Variants in PALLD observed in about 807,000 individuals in gnomAD.
PALLD encodes palladin, cytoskeletal associated protein.
In PALLD, 61 loss-of-function variants were observed where a neutral mutation model predicts 123.5. That is an observed-to-expected ratio of 0.49 (90% CI 0.40 to 0.61). PALLD has a LOEUF of 0.61. PALLD is among the 20% of genes least tolerant of loss of function. The pLI is 0.00. For synonymous variants in PALLD, 465 were observed against 496.4 expected (o/e 0.94, Z 0.84); for missense variants, 1,273 against 1,377.0 (o/e 0.92, Z 1.20).
chr4:168,766,408 A>G (rs1733666915), intron 10 of PALLD, among the ~76,000 whole-genome samples: 1 of 152,106 alleles, frequency 6.6e-6, no homozygotes, highest in Non-Finnish European at 1.5e-5. Flanking sequence ...AAGAACCCAC[A>G]TTTTCAGGTC....
intron 2 of PALLD, among the ~76,000 whole-genome samples, chr4:168,658,276 TTTTA>T (rs1304153224): frequency 2.7e-5 from 4 of 145,474 alleles, no homozygotes; most frequent in East Asian, 2.0e-4. Flanking sequence ...GGTGGTGGGT[TTTTA>T]TTTGGTTTTT....
At chr4:168,753,738 C>A (rs546583344) in intron 10 of PALLD, among the ~76,000 whole-genome samples, 184 of 152,302 alleles carry the variant, frequency 1.2e-3, no homozygotes, top group African/African-American at 4.3e-3. Flanking sequence ...TGACGACCAG[C>A]ACCAACTTGC....
intron 10 of PALLD, among the ~76,000 whole-genome samples, chr4:168,738,598 GT>G (rs56034219): frequency 2.2e-5 from 2 of 89,474 alleles, no homozygotes; most frequent in Non-Finnish European, 4.8e-5. Context: ...GCCCGGCTAA[GT>G]TTTGTATTTT....
rs557329308 is a variant in PALLD, at chr4:168,919,532, A to G, written c.2851-2002A>G. On this transcript the variant is annotated intron_variant, in intron 17 of 21. Transcript: ENST00000505667. The stretch of plus-strand genomic sequence containing the variant: ...GGAGCAAGACTGTCTTAAAAAAAAA[A>G]AAAAAGTGAAAAACCTTGCCACATG... 9.2e-5 allele frequency among the ~76,000 whole-genome samples: 14 copies of G among 152,136 alleles called. No individual in the cohort carries two copies. The East Asian group carries it at 2.5e-3, about 27-fold the overall frequency.
At chr4:168,549,790 G>A (rs1273854632) in intron 2 of PALLD, among the ~76,000 whole-genome samples, 1 of 150,516 alleles carries the variant, frequency 6.6e-6, no homozygotes, top group Non-Finnish European at 1.5e-5. Flanking sequence ...AAAAAAAAAT[G>A]AGAGTTAGAA....
Position 168,925,054 on chromosome 4 carries a change from T to C in PALLD, c.3334T>C (p.Cys1112Arg), listed in dbSNP as rs1426943138. 6.2e-7 allele frequency: 1 copy of C among 1,614,118 alleles called. No homozygotes were observed. Among genetic ancestry groups the C allele is most frequent in the Non-Finnish European group, 8.5e-7 (1 of 1,179,966 alleles). The change falls in exon 20 of 22, where the codon TGT (cysteine) becomes CGT (arginine). Residue 1112 changes from cysteine (C) to arginine (R), a missense_variant. Physicochemically the swap from Cys to Arg is radical, Grantham distance 180 (BLOSUM62 -3). Around this residue, in one of 2 missense-constraint regions of PALLD, gnomAD observed 329 missense variants for 422.5 expected, o/e 0.78. Transcript: ENST00000505667. ...CAAGAATGAAGCAGGGATTGTGTCC[T>C]GTACTGCCAGGCTGGACGTTTACAG... is the stretch of plus-strand genomic sequence containing the variant. ...SAKNEAGIVS[C>R]TARLDVYISR...
intron 15 of PALLD, among the ~76,000 whole-genome samples, chr4:168,904,780 T>C (rs887230800): frequency 3.3e-5 from 5 of 152,162 alleles, no homozygotes; most frequent in African/African-American, 1.2e-4. Flanking sequence ...TTGAAGAAAA[T>C]ATTTAGCATT....
chr4:168,567,542 G>GGTGTGTGTGTGTGTGT lies in PALLD; in HGVS notation c.908+55141_908+55156dup, dbSNP rs61409598. On this transcript the variant is annotated intron_variant, in intron 2 of 21. Coordinates refer to ENST00000505667, the MANE Select transcript of PALLD (RefSeq NM_001166108.2). Reference sequence around the variant, plus strand: ...ATGGTTGATTGGATAAAGAAAATGTGGTGTGTGTGTGTGTGTGTGTGTGTG... The same window carrying GGTGTGTGTGTGTGTGT: ...ATGGTTGATTGGATAAAGAAAATGTGGTGTGTGTGTGTGTGTGTGTGTGTGTGTGTGTGTGTGTGTG... 1.7e-3 allele frequency among the ~76,000 whole-genome samples: 251 copies of GGTGTGTGTGTGTGTGT among 145,548 alleles called. 1 individual carries two copies. Among genetic ancestry groups the GGTGTGTGTGTGTGTGT allele is most frequent in the Admixed American group, 3.4e-3 (49 of 14,464 alleles).
chr4:168,824,817 CTTTTTT>C (rs148235431), intron 10 of PALLD, among the ~76,000 whole-genome samples: 1 of 97,888 alleles, frequency 1.0e-5, no homozygotes. Flanking sequence ...CAGATAAATT[CTTTTTT>C]TTTTTTTTTT....
At chr4:168,567,700 C>G (rs1255584312) in intron 2 of PALLD, among the ~76,000 whole-genome samples, 2 of 151,382 alleles carry the variant, frequency 1.3e-5, no homozygotes, top group African/African-American at 4.9e-5. Flanking sequence ...CTCAGAAACA[C>G]AAAGTCAAAT....
At chr4:168,639,526 G>A (rs1244353759) in intron 2 of PALLD, among the ~76,000 whole-genome samples, 2 of 151,484 alleles carry the variant, frequency 1.3e-5, no homozygotes, top group Non-Finnish European at 2.9e-5. Context: ...AGGCTACAAA[G>A]AACTATTGGC....
chr4:168,737,130 CTT>C (rs1787837255), intron 10 of PALLD, among the ~76,000 whole-genome samples: 1 of 152,168 alleles, frequency 6.6e-6, no homozygotes, highest in Admixed American at 6.5e-5. Flanking sequence ...GTTCTCTCCT[CTT>C]TTAAACACCC....
chr4:168,681,115 T>C (rs974989898), intron 3 of PALLD, among the ~76,000 whole-genome samples: 5 of 152,224 alleles, frequency 3.3e-5, no homozygotes, highest in African/African-American at 9.6e-5. Context: ...GTATATTGCT[T>C]TGAAGAAAGC....
chr4:168,834,140 C>T (rs551318704), intron 10 of PALLD, among the ~76,000 whole-genome samples: 1 of 152,044 alleles, frequency 6.6e-6, no homozygotes, highest in East Asian at 1.9e-4. Flanking sequence ...CCAACATCCA[C>T]ACCATCTCTG....
chr4:168,570,283 T>C (rs1430843314), intron 2 of PALLD, among the ~76,000 whole-genome samples: 1 of 152,152 alleles, frequency 6.6e-6, no homozygotes, highest in East Asian at 1.9e-4. Context: ...AAATGTTTGG[T>C]TTTTGTTTTT....
chr4:168,716,343 A>G (rs1417823549), intron 10 of PALLD, among the ~76,000 whole-genome samples: 1 of 152,184 alleles, frequency 6.6e-6, no homozygotes, highest in Non-Finnish European at 1.5e-5. Context: ...TATGTGCATT[A>G]CCGTGAAAGT....
chr4:168,780,142 G>A (rs547548496), intron 10 of PALLD, among the ~76,000 whole-genome samples: 12 of 152,186 alleles, frequency 7.9e-5, no homozygotes, highest in Admixed American at 2.0e-4. Flanking sequence ...CAAGTGATTC[G>A]CCCACCTTGG....
intron 2 of PALLD, among the ~76,000 whole-genome samples, chr4:168,605,629 C>A (rs764388423): frequency 3.9e-5 from 6 of 152,170 alleles, no homozygotes; most frequent in Admixed American, 2.6e-4. Context: ...CTGGACTGAA[C>A]GTGGGCTCTG....
intron 10 of PALLD, 97 bp downstream of exon 10, chr4:168,712,020 C>A: frequency 1.9e-6 from 2 of 1,026,756 alleles, no homozygotes; most frequent in Non-Finnish European, 3.0e-6. Context: ...AACTATGTGG[C>A]AAGTTGGCCT....
Sources: gnomAD v4.1 joint callset for allele counts (sites outside exome capture counted in the v4.1 genomes callset) on GRCh38, gnomAD v4.1.1 for gene constraint, gnomAD v4.1.1 regional missense constraint, MANE v1.5 for transcripts, NCBI Gene and HGNC (gene_info 2026-07-23, HGNC 2026-07-21) for gene names.